PLXNA4: variants seen among roughly 807,000 people sequenced by gnomAD.
The protein encoded by PLXNA4 is plexin-A4.
In PLXNA4, 44 loss-of-function variants were observed where a neutral mutation model predicts 191.8. The observed-to-expected ratio is 0.23, with a 90% CI of 0.18 to 0.29. The LOEUF (loss-of-function observed/expected upper bound fraction) is 0.29. Among genes scored for constraint, PLXNA4 ranks in the 10% least tolerant of loss-of-function variants. PLXNA4 has a pLI of 1.00. For synonymous variants in PLXNA4, 1,082 were observed against 1,009.5 expected, an observed-to-expected ratio of 1.07 and a Z score of -1.36; for missense variants, 1,800 against 2,488.8, an observed-to-expected ratio of 0.72 and a Z score of 5.89.
intron 3 of PLXNA4, among the ~76,000 whole-genome samples, chr7:132,428,669 C>G (rs1361207388): frequency 6.6e-6 from 1 of 151,964 alleles, no homozygotes; most frequent in Non-Finnish European, 1.5e-5. Context: ...CTGTCCCGGT[C>G]CTTGAGACCA....
At chr7:132,424,016 G>A (rs1794946026) in intron 3 of PLXNA4, among the ~76,000 whole-genome samples, 1 of 152,110 alleles carries the variant, frequency 6.6e-6, no homozygotes. Context: ...CCCAGAACAT[G>A]CCCTTTGCCT....
At chr7:132,474,214 T>TCTCACACACA (rs1175360961) in intron 3 of PLXNA4, among the ~76,000 whole-genome samples, 1 of 140,304 alleles carries the variant, frequency 7.1e-6, no homozygotes, top group African/African-American at 2.7e-5. Flanking sequence ...TCTCTCTGTC[T>TCTCACACACA]CACACACACA....
rs762653821 is a variant in PLXNA4, at chr7:132,227,620, CG to C, written c.1729-17del. On this transcript the variant is annotated splice_polypyrimidine_tract_variant and intron_variant, in intron 6 of 31. Transcript: ENST00000321063. ...CCAGGACCAGCTGTGAACAGCCAGG[CG>C]GGGGGAGAGAAGGAGGAGGGTGAAA... is the stretch of plus-strand genomic sequence containing the variant. 1.9e-6 allele frequency: 3 copies of C among 1,613,114 alleles called. No individual in the cohort carries two copies. The highest frequency in any genetic ancestry group is 2.5e-6 in the Non-Finnish European group (3 of 1,179,746).
intron 3 of PLXNA4, among the ~76,000 whole-genome samples, chr7:132,341,456 T>C (rs1803025295): frequency 6.6e-6 from 1 of 152,218 alleles, no homozygotes; most frequent in East Asian, 1.9e-4. Flanking sequence ...TGCTAATATA[T>C]AGTAAAATCT....
intron 1 of PLXNA4, among the ~76,000 whole-genome samples, chr7:132,557,542 T>TA (rs1437637648): frequency 1.9e-5 from 2 of 106,918 alleles, no homozygotes; most frequent in Non-Finnish European, 4.0e-5. Flanking sequence ...TTAATTTATC[T>TA]TTTTTTTAAA....
In PLXNA4 at chr7:132,155,434, G is replaced by T. The variant is rs562814668; in HGVS notation, c.4660+4039C>A. Among the ~76,000 whole-genome samples, 20 of 152,342 alleles carry T rather than the reference G, an allele frequency of 1.3e-4. No individual in the cohort carries two copies. The South Asian group carries it at 4.1e-3, about 32-fold the overall frequency. ...ATAGAAAAATGTCCTGTCTCTGCTA[G>T]TCTGCTAAGAAGTGGGGAACATCTC... On this transcript the variant is annotated intron_variant, in intron 25 of 31. Transcript: ENST00000321063.
chr7:132,133,980 G>A (rs1324624926), intron 30 of PLXNA4, among the ~76,000 whole-genome samples: 1 of 152,138 alleles, frequency 6.6e-6, no homozygotes, highest in African/African-American at 2.4e-5. Context: ...GCCTTGTGGT[G>A]GCCCAGCTCA....
At chr7:132,473,313 G>A (rs1796999638) in intron 3 of PLXNA4, among the ~76,000 whole-genome samples, 1 of 152,152 alleles carries the variant, frequency 6.6e-6, no homozygotes, top group Non-Finnish European at 1.5e-5. Context: ...TTCTTAGTGT[G>A]TCTGGTGGTC....
intron 4 of PLXNA4, among the ~76,000 whole-genome samples, chr7:132,244,779 G>A (rs1024425284): frequency 1.3e-5 from 2 of 152,156 alleles, no homozygotes; most frequent in Admixed American, 1.3e-4. Context: ...GTACCCCATG[G>A]TTAATTCTGC....
At chr7:132,252,721 G>C (rs1799298543) in intron 4 of PLXNA4, among the ~76,000 whole-genome samples, 1 of 152,106 alleles carries the variant, frequency 6.6e-6, no homozygotes, top group Non-Finnish European at 1.5e-5. Flanking sequence ...CTTCCTCTTG[G>C]AATCTTTCCT....
chr7:132,226,047 G>C, intron 8 of PLXNA4, 114 bp downstream of exon 8: 2 of 933,816 alleles, frequency 2.1e-6, no homozygotes, highest in Non-Finnish European at 3.3e-6. Flanking sequence ...AGTGAAGGAG[G>C]CCTCCTCTGG....
At chr7:132,622,025 C>T (rs1426757819) in intron 2 of PLXNA4, among the ~76,000 whole-genome samples, 2 of 152,038 alleles carry the variant, frequency 1.3e-5, no homozygotes, top group East Asian at 3.9e-4. Flanking sequence ...TCCTTGGGCA[C>T]ACACCTAGAC....
At position 132,123,783 on chromosome 7, in the gene PLXNA4, G is replaced by A. The variant is rs915671900; in HGVS notation, c.*6696C>T. ...GATAACCTGCCCTACCTCCTTCAAC[G>A]GCTTCTCTATGTGACTCAAAGACCC... is the stretch of plus-strand genomic sequence containing the variant. On this transcript the variant is annotated 3_prime_UTR_variant, in exon 32 of 32. Transcript: ENST00000321063. The A allele has an allele frequency of 2.6e-5, 4 of 152,118 alleles. No homozygotes were observed. The highest frequency in any genetic ancestry group is 2.9e-5 in the Non-Finnish European group (2 of 68,034). The allele number at this position is 152,118 out of a possible 1,614,324, so 9.4% of individuals were successfully genotyped here.
intron 2 of PLXNA4, among the ~76,000 whole-genome samples, chr7:132,506,266 TC>T (rs1798459945): frequency 6.6e-6 from 1 of 152,080 alleles, no homozygotes; most frequent in Admixed American, 6.6e-5. Context: ...AGGGTGCCAG[TC>T]CCCACTGAGA....
At chr7:132,564,235 TTCC>T (rs1563177649) in intron 1 of PLXNA4, among the ~76,000 whole-genome samples, 3 of 98,588 alleles carry the variant, frequency 3.0e-5, no homozygotes, top group East Asian at 1.2e-3. Flanking sequence ...CCTCCTCCTC[TTCC>T]TCCTCCTCCT....
intron 28 of PLXNA4, 163 bp from the exon 29 acceptor site, chr7:132,145,451 A>G: frequency 1.1e-6 from 1 of 934,770 alleles, no homozygotes; most frequent in South Asian, 1.8e-5. Context: ...TTCCCATTTC[A>G]TCTGTCTCTA....
At chr7:132,501,536 T>C (rs1798255100) in intron 2 of PLXNA4, among the ~76,000 whole-genome samples, 1 of 152,098 alleles carries the variant, frequency 6.6e-6, no homozygotes, top group South Asian at 2.1e-4. Flanking sequence ...ACATCCAGCC[T>C]AGGAAGCCAG....
chr7:132,573,493 C>T (rs1176408676), intron 1 of PLXNA4, among the ~76,000 whole-genome samples: 1 of 152,164 alleles, frequency 6.6e-6, no homozygotes, highest in African/African-American at 2.4e-5. Context: ...AGCTCTCTCC[C>T]ACTTCGGGAC....
At chr7:132,365,421 G>A (rs1364506) in intron 3 of PLXNA4, among the ~76,000 whole-genome samples, 1 of 151,346 alleles carries the variant, frequency 6.6e-6, no homozygotes, top group Non-Finnish European at 1.5e-5. Flanking sequence ...CTGAAAGTCA[G>A]AAAACTGGAT....
Sources: allele counts gnomAD v4.1 joint callset (sites outside exome capture counted in the v4.1 genomes callset), GRCh38; gene constraint gnomAD v4.1.1; transcripts MANE v1.5; gene names NCBI Gene and HGNC (gene_info 2026-07-23, HGNC 2026-07-21).